Variants in PIP5K1B observed in about 807,000 individuals in gnomAD.
PIP5K1B encodes the protein phosphatidylinositol 4-phosphate 5-kinase type-1 beta.
In PIP5K1B, 42 loss-of-function variants were observed where a neutral mutation model predicts 67.0. The observed-to-expected ratio is 0.63, with a 90% CI of 0.49 to 0.81. PIP5K1B has a LOEUF of 0.81. PIP5K1B is among the 30% of genes least tolerant of loss of function. PIP5K1B has a pLI of 0.00. For synonymous variants in PIP5K1B, 214 were observed against 231.4 expected (o/e 0.92, Z 0.68); for missense variants, 459 against 646.3 (o/e 0.71, Z 3.14).
intron 2 of PIP5K1B, among the ~76,000 whole-genome samples, chr9:68,809,892 G>A (rs913165238): frequency 7.2e-5 from 11 of 152,172 alleles, no homozygotes; most frequent in African/African-American, 2.4e-4. Context: ...CTGCTAATAG[G>A]ATTCCTTTGA....
intron 6 of PIP5K1B, among the ~76,000 whole-genome samples, chr9:68,880,260 AG>A (rs777323975): frequency 5.3e-5 from 8 of 152,184 alleles, no homozygotes; most frequent in Non-Finnish European, 7.3e-5. Context: ...ATAACTTAAA[AG>A]GTAGAGAGAG....
At position 68,969,197 on chromosome 9, in the gene PIP5K1B, T is replaced by A. The variant is rs111401983; in HGVS notation, c.1503-21943T>A. On this transcript the variant is annotated intron_variant, in intron 14 of 15. Coordinates refer to ENST00000265382, the MANE Select transcript of PIP5K1B (RefSeq NM_003558.4). ...TCCTGGCTAACACAGTGAAACCCCG[T>A]CTCTACTAAAAACACAAAAAATTAG... is the stretch of plus-strand genomic sequence containing the variant. 6.0e-3 allele frequency among the ~76,000 whole-genome samples: 913 copies of A among 151,658 alleles called. 7 individuals carry two copies. The highest frequency in any genetic ancestry group is 0.011 in the Non-Finnish European group (724 of 67,884).
chr9:68,867,843 G>A (rs1823437465), intron 5 of PIP5K1B, among the ~76,000 whole-genome samples: 1 of 152,182 alleles, frequency 6.6e-6, no homozygotes, highest in Admixed American at 6.5e-5. Context: ...GGCTCAACGA[G>A]TCTATCTGGG....
At chr9:68,797,040 G>A (rs1832331351) in intron 2 of PIP5K1B, among the ~76,000 whole-genome samples, 1 of 152,164 alleles carries the variant, frequency 6.6e-6, no homozygotes, top group East Asian at 1.9e-4. Context: ...TTAGGAAAAG[G>A]AGTAAAAGAG....
chr9:68,843,433 G>T (rs959109706), intron 4 of PIP5K1B, among the ~76,000 whole-genome samples: 2 of 152,134 alleles, frequency 1.3e-5, no homozygotes, highest in Non-Finnish European at 2.9e-5. Flanking sequence ...CATATTTGGG[G>T]GTTTTCCCCA....
At chr9:68,913,184 T>C (rs1825932016) in intron 8 of PIP5K1B, among the ~76,000 whole-genome samples, 1 of 152,214 alleles carries the variant, frequency 6.6e-6, no homozygotes, top group Non-Finnish European at 1.5e-5. Flanking sequence ...TTTAAATAGT[T>C]CTGTGAATCA....
chr9:68,737,293 C>T (rs954018298), intron 1 of PIP5K1B, among the ~76,000 whole-genome samples: 12 of 152,024 alleles, frequency 7.9e-5, no homozygotes, highest in African/African-American at 1.2e-4. Flanking sequence ...GTGTGCATGG[C>T]GGCATATGTC....
intron 2 of PIP5K1B, among the ~76,000 whole-genome samples, chr9:68,756,124 G>A (rs1564111071): frequency 6.6e-6 from 1 of 152,150 alleles, no homozygotes; most frequent in Non-Finnish European, 1.5e-5. Context: ...CCAAATTCCA[G>A]GGACTTTTTT....
intron 15 of PIP5K1B, among the ~76,000 whole-genome samples, chr9:68,998,326 A>C (rs1830682097): frequency 6.6e-6 from 1 of 152,196 alleles, no homozygotes; most frequent in South Asian, 2.1e-4. Flanking sequence ...AATTGGGATT[A>C]CAGGCATGAG....
At chr9:68,905,206 A>C (rs565917176) in intron 8 of PIP5K1B, among the ~76,000 whole-genome samples, 1 of 152,222 alleles carries the variant, frequency 6.6e-6, no homozygotes, top group South Asian at 2.1e-4. Context: ...AATGCCCCCA[A>C]GGACCCCTCT....
At chr9:68,764,314 T>C (rs1204761570) in intron 2 of PIP5K1B, among the ~76,000 whole-genome samples, 2 of 152,006 alleles carry the variant, frequency 1.3e-5, no homozygotes, top group Admixed American at 1.3e-4. Flanking sequence ...CCATCCACTG[T>C]GGGAGAATTC....
At chr9:69,008,075 AGTTCAAGGCCAT>A (rs1171797237) in intron 15 of PIP5K1B, among the ~76,000 whole-genome samples, 1 of 152,166 alleles carries the variant, frequency 6.6e-6, no homozygotes, top group Non-Finnish European at 1.5e-5. Context: ...AACATTTACA[AGTTCAAGGCCAT>A]GTTCAAGTTG....
At position 68,805,364 on chromosome 9, in the gene PIP5K1B, A is replaced by G. The variant is rs374888735; in HGVS notation, c.-85-13097A>G. On this transcript the variant is annotated intron_variant, in intron 2 of 15. Coordinates refer to ENST00000265382, the MANE Select transcript of PIP5K1B (RefSeq NM_003558.4). ...CCACGAGAAGGTTGGGAGCAGGGCAATGAGGGTCCACTCTGTCCTGTGGTG... is the reference window on the plus strand; with the variant it reads ...CCACGAGAAGGTTGGGAGCAGGGCAGTGAGGGTCCACTCTGTCCTGTGGTG... 3.3e-5 allele frequency among the ~76,000 whole-genome samples: 5 copies of G among 152,304 alleles called. No homozygotes were observed. In the East Asian group the frequency reaches 7.7e-4, roughly 24 times the overall value.
At chr9:68,919,602 C>A in intron 10 of PIP5K1B, 40 bp downstream of exon 10, 1 of 1,400,302 alleles carries the variant, frequency 7.1e-7, no homozygotes, top group South Asian at 1.2e-5. Context: ...ATTTCAAAAT[C>A]AATCTACAAA....
At chr9:68,832,448 C>G (rs7866118) in intron 4 of PIP5K1B, among the ~76,000 whole-genome samples, 13,960 of 152,256 alleles carry the variant, frequency 0.092, 1,133 homozygotes, top group East Asian at 0.24. Context: ...GAATCCAGTT[C>G]TCCCAAATGG....
intron 8 of PIP5K1B, among the ~76,000 whole-genome samples, chr9:68,908,437 GA>G (rs796132773): frequency 0.026 from 3,567 of 137,272 alleles, 135 homozygotes; most frequent in African/African-American, 0.087. Flanking sequence ...TTTAAGTGTG[GA>G]AAAAAAAAAA....
chr9:68,788,133 GTT>G (rs1436145860), intron 2 of PIP5K1B, among the ~76,000 whole-genome samples: 1 of 152,200 alleles, frequency 6.6e-6, no homozygotes, highest in East Asian at 1.9e-4. Context: ...GTTCTGTCCA[GTT>G]CTCCCTGGTG....
At chr9:69,000,460 A>G (rs1441389724) in intron 15 of PIP5K1B, among the ~76,000 whole-genome samples, 1 of 152,166 alleles carries the variant, frequency 6.6e-6, no homozygotes, top group Admixed American at 6.6e-5. Context: ...GGTGTCTTGA[A>G]CAGAAATTTC....
intron 4 of PIP5K1B, among the ~76,000 whole-genome samples, chr9:68,831,462 C>T (rs533302760): frequency 6.6e-6 from 1 of 152,234 alleles, no homozygotes; most frequent in South Asian, 2.1e-4. Flanking sequence ...GGGCATAAAG[C>T]AAGTATGTGG....
Sources: gnomAD v4.1 joint callset for allele counts (sites outside exome capture counted in the v4.1 genomes callset) on GRCh38, gnomAD v4.1.1 for gene constraint, MANE v1.5 for transcripts, NCBI Gene and HGNC (gene_info 2026-07-23, HGNC 2026-07-21) for gene names.